SORCS2: variants seen among roughly 807,000 people sequenced by gnomAD.
The protein encoded by SORCS2 is sortilin related VPS10 domain containing receptor 2.
In SORCS2, 100 loss-of-function variants were observed where a neutral mutation model predicts 141.6. The ratio of observed to expected loss-of-function variants is 0.71; its 90% confidence interval spans 0.60 to 0.83. SORCS2 has a LOEUF of 0.83. Among genes scored for constraint, SORCS2 ranks in the 40% least tolerant of loss-of-function variants. The probability of loss-of-function intolerance (pLI) is 0.00; values close to 1 mark genes in which losing one functional copy is unlikely to be tolerated. For synonymous variants in SORCS2, 789 were observed against 676.9 expected, an observed-to-expected ratio of 1.17 and a Z score of -2.57; for missense variants, 1,646 against 1,560.2, an observed-to-expected ratio of 1.05 and a Z score of -0.93.
intron 9 of SORCS2, among the ~76,000 whole-genome samples, chr4:7,681,613 A>T (rs1393072335): frequency 6.6e-6 from 1 of 152,202 alleles, no homozygotes; most frequent in Non-Finnish European, 1.5e-5. Flanking sequence ...GTGTTGTCTG[A>T]AGCCACTGGG....
At chr4:7,708,641 T>G (rs1309336070) in intron 14 of SORCS2, among the ~76,000 whole-genome samples, 1 of 152,204 alleles carries the variant, frequency 6.6e-6, no homozygotes, top group Non-Finnish European at 1.5e-5. Flanking sequence ...CCCTCCGTCT[T>G]TACCAATATG....
rs772818383 is a variant in SORCS2, at chr4:7,306,242, C to CGGCT, written c.481-90037_481-90034dup. ...CGGGCTCCCCTCCAGAGCCCACAGT[C>CGGCT]GGCTGGCTGGCTCAGGGCACTGTGC... On this transcript the variant is annotated intron_variant, in intron 1 of 26. Transcript: ENST00000507866. Among the ~76,000 whole-genome samples the CGGCT allele has an allele frequency of 4.4e-3, 666 of 152,250 alleles. 4 individuals carry two copies. The highest frequency in any genetic ancestry group is 6.5e-3 in the Non-Finnish European group (443 of 68,024).
intron 1 of SORCS2, among the ~76,000 whole-genome samples, chr4:7,381,569 G>T (rs994225912): frequency 2.0e-5 from 3 of 152,176 alleles, no homozygotes; most frequent in African/African-American, 7.2e-5. Flanking sequence ...GCGGAGGGAG[G>T]GTGGCTGTGC....
chr4:7,220,436 GAGTGGATGAAGTCCTGGCAGGGGGAGA>G (rs1490819361), intron 1 of SORCS2, among the ~76,000 whole-genome samples: 1 of 152,190 alleles, frequency 6.6e-6, no homozygotes, highest in Non-Finnish European at 1.5e-5. Flanking sequence ...GAAAAGGAAT[GAGTGGATGAAGTCCTGGCAGGGGGAGA>G]AGGAAGATGC....
chr4:7,248,722 T>C (rs974674703), intron 1 of SORCS2, among the ~76,000 whole-genome samples: 2 of 152,242 alleles, frequency 1.3e-5, no homozygotes, highest in Non-Finnish European at 2.9e-5. Flanking sequence ...GTAATTATAA[T>C]ATTTGAAGCC....
intron 3 of SORCS2, among the ~76,000 whole-genome samples, chr4:7,606,263 A>G (rs1718056624): frequency 1.3e-5 from 2 of 152,200 alleles, no homozygotes; most frequent in South Asian, 4.1e-4. Context: ...TGCTCTTTAC[A>G]ACCTGCCGGA....
intron 25 of SORCS2, among the ~76,000 whole-genome samples, chr4:7,734,890 G>A (rs907812159): frequency 6.6e-6 from 1 of 152,228 alleles, no homozygotes; most frequent in Non-Finnish European, 1.5e-5. Flanking sequence ...GGCTCTGGGT[G>A]TCCCCGTGAG....
intron 19 of SORCS2, among the ~76,000 whole-genome samples, chr4:7,724,603 GTGATAGTGCTGGTGAGGA>G (rs1202958039): frequency 8.4e-6 from 1 of 118,534 alleles, no homozygotes; most frequent in African/African-American, 3.2e-5. Flanking sequence ...GGTGATGGTG[GTGATAGTGCTGGTGAGGA>G]TGGTGATGGT....
chr4:7,586,845 G>T (rs961665436), intron 3 of SORCS2, among the ~76,000 whole-genome samples: 1 of 151,906 alleles, frequency 6.6e-6, no homozygotes, highest in African/African-American at 2.4e-5. Context: ...TATACTCCTC[G>T]GAGATCAGCC....
chr4:7,573,811 C>A (rs924036070), intron 3 of SORCS2, among the ~76,000 whole-genome samples: 1 of 152,142 alleles, frequency 6.6e-6, no homozygotes, highest in African/African-American at 2.4e-5. Context: ...CACAGTGGAC[C>A]CTGTGGCTTC....
chr4:7,703,124 T>C (rs1335496231), intron 12 of SORCS2, among the ~76,000 whole-genome samples, 156 bp from the exon 13 acceptor site: 1 of 152,192 alleles, frequency 6.6e-6, no homozygotes, highest in East Asian at 1.9e-4. Flanking sequence ...AGCTCGGGGA[T>C]GGCCCGGGAC....
At chr4:7,701,814 G>A (rs778280782) in intron 12 of SORCS2, among the ~76,000 whole-genome samples, 1 of 152,192 alleles carries the variant, frequency 6.6e-6, no homozygotes, top group Non-Finnish European at 1.5e-5. Flanking sequence ...GAGGGAAGAC[G>A]GGCGCAGATG....
intron 1 of SORCS2, among the ~76,000 whole-genome samples, chr4:7,297,530 C>G (rs1010380717): frequency 6.6e-6 from 1 of 152,200 alleles, no homozygotes; most frequent in South Asian, 2.1e-4. Context: ...TGCCCTGCCC[C>G]CTGCTGAGTC....
chr4:7,513,445 C>T (rs1732786211), intron 2 of SORCS2, among the ~76,000 whole-genome samples: 1 of 152,210 alleles, frequency 6.6e-6, no homozygotes, highest in Admixed American at 6.5e-5. Context: ...GTTTAGGATT[C>T]ACCTGCAGCC....
intron 24 of SORCS2, 36 bp from the exon 25 acceptor site, chr4:7,734,236 C>T (rs375893499): frequency 1.1e-5 from 17 of 1,499,278 alleles, no homozygotes; most frequent in African/African-American, 8.3e-5. Flanking sequence ...ATGGGCGGTG[C>T]CCGAGGTCCT....
intron 9 of SORCS2, among the ~76,000 whole-genome samples, chr4:7,678,497 G>A (rs984732060): frequency 2.8e-5 from 4 of 144,818 alleles, no homozygotes; most frequent in Non-Finnish European, 6.0e-5. Context: ...GCCATAGGTG[G>A]GTTTCTTAAC....
In SORCS2 at chr4:7,193,215, C is replaced by T; in HGVS notation, c.480+89C>T. 7.6e-7 allele frequency: 1 copy of T among 1,308,356 alleles called. No homozygotes were observed. Among genetic ancestry groups the T allele is most frequent in the South Asian group, 2.1e-5 (1 of 47,200 alleles). The allele number at this position is 1,308,356 out of a possible 1,614,324, so 81.0% of individuals were successfully genotyped here. A position where few individuals can be genotyped will look rare whatever the true frequency, so the allele number is the denominator to read the frequency against. Reference sequence around the variant, plus strand: ...ACCGCCACGGCCCCCACCCCAGATCCCCACTATGGTCATCAGGGGCGGGTT... The same window carrying T: ...ACCGCCACGGCCCCCACCCCAGATCTCCACTATGGTCATCAGGGGCGGGTT... On this transcript the variant is annotated intron_variant, in intron 1 of 26. Transcript: ENST00000507866. The surrounding 1 kb of genome is among the most constrained non-coding windows in gnomAD (Gnocchi z 4.8).
chr4:7,709,885 C>T (rs1193868336), intron 14 of SORCS2, among the ~76,000 whole-genome samples: 1 of 152,138 alleles, frequency 6.6e-6, no homozygotes. Flanking sequence ...AGTGGAGGCT[C>T]CCAGAGCCTT....
At chr4:7,275,454 G>A (rs547518564) in intron 1 of SORCS2, among the ~76,000 whole-genome samples, 2 of 152,122 alleles carry the variant, frequency 1.3e-5, no homozygotes, top group Non-Finnish European at 2.9e-5. Context: ...GGAATCACCC[G>A]TGTCTGCTCT....
Sources: gnomAD v4.1 joint callset for allele counts (sites outside exome capture counted in the v4.1 genomes callset) on GRCh38, gnomAD v4.1.1 for gene constraint, Gnocchi (gnomAD v3.1) non-coding constraint, MANE v1.5 for transcripts, NCBI Gene and HGNC (gene_info 2026-07-23, HGNC 2026-07-21) for gene names.